GAPDH: variants seen among roughly 807,000 people sequenced by gnomAD.
The protein encoded by GAPDH is OCAS, p38 component.
In GAPDH, 13 loss-of-function variants were observed where a neutral mutation model predicts 31.2. That is an observed-to-expected ratio of 0.42 (90% CI 0.27 to 0.66). GAPDH has a LOEUF of 0.66. Ranked by LOEUF, GAPDH falls within the 30% of genes least tolerant of loss-of-function variation. The pLI, the probability that GAPDH is intolerant of heterozygous loss-of-function variation, is 0.26. For synonymous variants in GAPDH, 211 were observed against 166.9 expected, an observed-to-expected ratio of 1.26 and a Z score of -2.04; for missense variants, 300 against 443.7, an observed-to-expected ratio of 0.68 and a Z score of 2.91.
intron 2 of GAPDH, chr12:6,535,252 G>T: frequency 9.4e-7 from 1 of 1,061,254 alleles, no homozygotes; most frequent in Non-Finnish European, 1.1e-6. Flanking sequence ...AGTGCGCAGC[G>T]GGTGCATCCC....
At chr12:6,535,026 G>C (rs977435564) in intron 2 of GAPDH, 165 bp downstream of exon 2, 2 of 887,224 alleles carry the variant, frequency 2.3e-6, no homozygotes, top group African/African-American at 3.5e-5. Flanking sequence ...CCCGCACCCA[G>C]GCTGTGGCGC....
chr12:6,537,883 C>T lies in GAPDH; in HGVS notation c.825C>T (p.Gly275=), dbSNP rs1177579225. The change falls in exon 8 of 9, where the codon GGC becomes GGT. Residue 275 remains glycine, a synonymous_variant. Coordinates refer to ENST00000229239, the MANE Select transcript of GAPDH (RefSeq NM_002046.7). The surrounding 1 kb of genome is among the most constrained non-coding windows in gnomAD (Gnocchi z 4.9). ...ASEGPLKGIL[G]YTEHQVVSSD... is the part of the protein sequence containing the mutation. ...AGGGCCCCCTCAAGGGCATCCTGGGCTACACTGAGCACCAGGTGGTCTCCT... is the reference window on the plus strand; with the variant it reads ...AGGGCCCCCTCAAGGGCATCCTGGGTTACACTGAGCACCAGGTGGTCTCCT... 7 of 1,613,696 alleles carry T rather than the reference C, an allele frequency of 4.3e-6. No individual in the cohort carries two copies. The East Asian group carries it at 1.6e-4, about 36-fold the overall frequency.
chr12:6,536,948 G>A lies in GAPDH; in HGVS notation c.265G>A (p.Asp89Asn), dbSNP rs1419647990. Reference protein sequence around the residue: ...ERDPSKIKWGDAGAEYVVEST... With the variant: ...ERDPSKIKWGNAGAEYVVEST... The stretch of plus-strand genomic sequence containing the variant: ...AGATCCCTCCAAAATCAAGTGGGGC[G>A]ATGCTGGCGCTGAGTACGTCGTGGA... The change falls in exon 5 of 9, where the codon GAT (aspartate) becomes AAT (asparagine). Residue 89 changes from aspartate to asparagine, a missense_variant. By Grantham distance (23) the Asp-to-Asn change is conservative. Coordinates refer to ENST00000229239, the MANE Select transcript of GAPDH (RefSeq NM_002046.7). 5.0e-6 allele frequency: 8 copies of A among 1,613,588 alleles called. No individual in the cohort carries two copies. The highest frequency in any genetic ancestry group is 6.8e-6 in the Non-Finnish European group (8 of 1,179,878).
chr12:6,535,157 T>G lies in GAPDH; in HGVS notation c.29+296T>G, dbSNP rs149021869. ...CCCGGACCCCTAGGTGGGGGACGCT[T>G]TCTTTCCTTTCGCGCTCTGCGGGGT... On this transcript the variant is annotated intron_variant, in intron 2 of 8. Transcript: ENST00000229239. The G allele has an allele frequency of 6.9e-3, 7,388 of 1,064,386 alleles. 35 individuals carry two copies. The highest frequency in any genetic ancestry group is 8.3e-3 in the Middle Eastern group (24 of 2,890). 65.9% of individuals were successfully genotyped at this position (1,064,386 alleles called of 1,614,324 possible). A position where few individuals can be genotyped will look rare whatever the true frequency, so the allele number is the denominator to read the frequency against.
chr12:6,536,920 G>A lies in GAPDH; in HGVS notation c.237G>A (p.Glu79=), dbSNP rs1946482826. Residue 79 remains glutamate (E), a splice_region_variant and synonymous_variant, in exon 5 of 9, where the codon GAG becomes GAA. Transcript: ENST00000229239. ...CCCCATCTCCCCCCCACCCCCATAG[G>A]CGAGATCCCTCCAAAATCAAGTGGG... The part of the protein sequence containing the change: ...INGNPITIFQ[E]RDPSKIKWGD... 1.9e-6 allele frequency: 3 copies of A among 1,612,398 alleles called. No individual in the cohort carries two copies. The Admixed American group carries it at 5.0e-5, about 27-fold the overall frequency.
At chr12:6,535,416 G>C in intron 2 of GAPDH, 1 of 988,456 alleles carries the variant, frequency 1.0e-6, no homozygotes, top group Non-Finnish European at 1.2e-6. Flanking sequence ...GGTGGAGCGA[G>C]GCTAGCTGGC....
rs1269030709 is a variant in GAPDH, at chr12:6,534,604, G to GA, written c.-24+35_-24+36insA. The GA allele has an allele frequency of 8.6e-6, 5 of 579,230 alleles. No homozygotes were observed. The East Asian group carries it at 1.6e-4, about 18-fold the overall frequency. 35.9% of individuals were successfully genotyped at this position (579,230 alleles called of 1,614,324 possible). ...GGCGGAGAGAAACCCGGGAGGCTAGGGACGGCCTGAAGGCGGCAGGGGCGG... is the reference window on the plus strand; with the variant it reads ...GGCGGAGAGAAACCCGGGAGGCTAGGAGACGGCCTGAAGGCGGCAGGGGCGG... On this transcript the variant is annotated intron_variant, in intron 1 of 8. Coordinates refer to ENST00000229239, the MANE Select transcript of GAPDH (RefSeq NM_002046.7).
At chr12:6,536,457 C>T (rs149124460) in intron 2 of GAPDH, 37 bp from the exon 3 acceptor site, 2 of 1,460,744 alleles carry the variant, frequency 1.4e-6, no homozygotes, top group Non-Finnish European at 1.9e-6. Flanking sequence ...CTGGAGGAGC[C>T]TCCCCTCCTC....
chr12:6,535,759 C>T (rs570914790), intron 2 of GAPDH, among the ~76,000 whole-genome samples: 8 of 152,288 alleles, frequency 5.3e-5, no homozygotes, highest in South Asian at 2.1e-4. Context: ...CTGCCCTTCT[C>T]CCCATTCCGT....
intron 1 of GAPDH, 106 bp from the exon 2 acceptor site, chr12:6,534,704 C>G: frequency 1.0e-6 from 1 of 974,326 alleles, no homozygotes. Flanking sequence ...GGGCGGAGGA[C>G]GTGATGCGGC....
intron 2 of GAPDH, among the ~76,000 whole-genome samples, chr12:6,536,044 G>A (rs1946457060): frequency 6.6e-6 from 1 of 152,244 alleles, no homozygotes; most frequent in Non-Finnish European, 1.5e-5. Context: ...ACTTAGAGAA[G>A]GGGTGGGCTT....
In GAPDH at chr12:6,537,055, G is replaced by C. The variant is rs1444181908; in HGVS notation, c.327+45G>C. On this transcript the variant is annotated intron_variant, in intron 5 of 8. Coordinates refer to ENST00000229239, the MANE Select transcript of GAPDH (RefSeq NM_002046.7). The surrounding 1 kb of genome is among the most constrained non-coding windows in gnomAD (Gnocchi z 4.9). The stretch of plus-strand genomic sequence containing the variant: ...CGGGAGGGGAAGCTGACTCAGCCCT[G>C]CAAAGGCAGGACCCGGGTTCATAAC... 7 of 1,608,070 alleles carry C rather than the reference G, an allele frequency of 4.4e-6. No homozygotes were observed. Among genetic ancestry groups the C allele is most frequent in the Non-Finnish European group, 5.1e-6 (6 of 1,177,024 alleles).
rs534209743 is a variant in GAPDH, at chr12:6,536,575, C to T, written c.111C>T (p.Phe37=). Residue 37 remains phenylalanine (F), a synonymous_variant, in exon 3 of 9, where the codon TTC becomes TTT. Coordinates refer to ENST00000229239, the MANE Select transcript of GAPDH (RefSeq NM_002046.7). The stretch of plus-strand genomic sequence containing the variant: ...ATATTGTTGCCATCAATGACCCCTT[C>T]ATTGACCTCAACTACATGGTGAGTG... ...KVDIVAINDP[F]IDLNYMVYMF... 6 of 1,613,802 alleles carry T rather than the reference C, an allele frequency of 3.7e-6. No homozygotes were observed. The Admixed American group carries it at 8.3e-5, about 22-fold the overall frequency.
Position 6,536,917 on chromosome 12 carries a change from T to G in GAPDH, c.237-3T>G. The G allele has an allele frequency of 6.6e-6, 5 of 753,176 alleles. No homozygotes were observed. Among genetic ancestry groups the G allele is most frequent in the African/African-American group, 1.8e-5 (1 of 55,204 alleles). 46.7% of individuals were successfully genotyped at this position (753,176 alleles called of 1,614,324 possible). A position where few individuals can be genotyped will look rare whatever the true frequency, so the allele number is the denominator to read the frequency against. On this transcript the variant is annotated splice_polypyrimidine_tract_variant and splice_region_variant and intron_variant, in intron 4 of 8. Coordinates refer to ENST00000229239, the MANE Select transcript of GAPDH (RefSeq NM_002046.7). ...TGTCCCCATCTCCCCCCCACCCCCA[T>G]AGGCGAGATCCCTCCAAAATCAAGT...
rs1946416520 is a variant in GAPDH, at chr12:6,534,630, G to A, written c.-24+61G>A. The A allele has an allele frequency of 3.1e-5, 19 of 615,228 alleles. No individual in the cohort carries two copies. In the South Asian group the frequency reaches 3.6e-4, roughly 12 times the overall value. The allele number at this position is 615,228 out of a possible 1,614,324, so 38.1% of individuals were successfully genotyped here. ...GACGGCCTGAAGGCGGCAGGGGCGG[G>A]CGCAGGCCGGATGTGTTCGCGCCGC... On this transcript the variant is annotated intron_variant, in intron 1 of 8. Transcript: ENST00000229239.
intron 2 of GAPDH, 133 bp downstream of exon 2, chr12:6,534,994 C>A: frequency 8.3e-6 from 9 of 1,082,822 alleles, no homozygotes; most frequent in Non-Finnish European, 1.2e-5. Context: ...AGCTCAAGGT[C>A]AGCGCTCGGA....
At chr12:6,535,399 G>C in intron 2 of GAPDH, 1 of 989,058 alleles carries the variant, frequency 1.0e-6, no homozygotes, top group South Asian at 4.5e-5. Flanking sequence ...GTGTGGCGGG[G>C]AAGTCAGGTG....
At chr12:6,535,828 C>G (rs866823613) in intron 2 of GAPDH, among the ~76,000 whole-genome samples, 4 of 152,186 alleles carry the variant, frequency 2.6e-5, no homozygotes, top group African/African-American at 9.7e-5. Context: ...AGCTGCTGAC[C>G]TTTCTGTAGC....
At chr12:6,534,902 C>A (rs1305809676) in intron 2 of GAPDH, 41 bp downstream of exon 2, 1 of 1,605,268 alleles carries the variant, frequency 6.2e-7, no homozygotes, top group Admixed American at 1.7e-5. Context: ...GCTGCGACCG[C>A]CCCCGAACCG....
Sources: allele counts gnomAD v4.1 joint callset (sites outside exome capture counted in the v4.1 genomes callset), GRCh38; gene constraint gnomAD v4.1.1; non-coding constraint Gnocchi (gnomAD v3.1); transcripts MANE v1.5; gene names NCBI Gene and HGNC (gene_info 2026-07-23, HGNC 2026-07-21).